Variants in CA10 observed in about 807,000 individuals in gnomAD.
CA10 encodes carbonic anhydrase 10 (inactive).
CA10 carries 14 observed loss-of-function variants against 44.2 expected under a neutral mutation model. That is an observed-to-expected ratio of 0.32 (90% CI 0.21 to 0.50). CA10 has a LOEUF of 0.50. Ranked by LOEUF, CA10 falls within the 20% of genes least tolerant of loss-of-function variation. CA10 has a pLI of 0.99. For synonymous variants in CA10, 159 were observed against 141.6 expected (o/e 1.12, Z -0.87); for missense variants, 350 against 409.7 (o/e 0.85, Z 1.26).
intron 3 of CA10, among the ~76,000 whole-genome samples, chr17:51,910,188 T>C (rs1362124590): frequency 6.6e-6 from 1 of 151,930 alleles, no homozygotes; most frequent in Non-Finnish European, 1.5e-5. Flanking sequence ...AGGGGCATGG[T>C]GAGAGGGCAG....
intron 3 of CA10, among the ~76,000 whole-genome samples, chr17:51,801,121 A>G (rs933970150): frequency 6.6e-6 from 1 of 152,154 alleles, no homozygotes; most frequent in African/African-American, 2.4e-5. Context: ...TCTCTCTCCT[A>G]TGATGGGATG....
chr17:51,631,638 C>T lies in CA10; in HGVS notation c.965-32G>A. Reference sequence around the variant, plus strand: ...AGAGAGAGAAAGAAAAAAAAAATCACACATACAACATAAAACGAGGCATAC... The same window carrying T: ...AGAGAGAGAAAGAAAAAAAAAATCATACATACAACATAAAACGAGGCATAC... On this transcript the variant is annotated intron_variant, in intron 8 of 8. Coordinates refer to ENST00000451037, the MANE Select transcript of CA10 (RefSeq NM_020178.5). The T allele has an allele frequency of 3.8e-6, 6 of 1,587,458 alleles. No homozygotes were observed. In the Middle Eastern group the frequency reaches 5.3e-4, roughly 140 times the overall value.
chr17:51,668,695 G>C (rs575974457), intron 4 of CA10, among the ~76,000 whole-genome samples: 3 of 152,146 alleles, frequency 2.0e-5, no homozygotes, highest in African/African-American at 7.2e-5. Flanking sequence ...CCTTCAGCCC[G>C]CTGCTGCACT....
intron 2 of CA10, among the ~76,000 whole-genome samples, chr17:52,018,708 G>A (rs1022195174): frequency 2.0e-5 from 3 of 152,056 alleles, no homozygotes; most frequent in Admixed American, 2.0e-4. Context: ...GATTTTGGAG[G>A]ACTATTGGGA....
intron 3 of CA10, among the ~76,000 whole-genome samples, chr17:51,841,401 G>C (rs142726730): frequency 2.2e-4 from 34 of 152,322 alleles, no homozygotes; most frequent in South Asian, 4.1e-4. Flanking sequence ...GTGTGCAAAA[G>C]AGTGCATCTT....
chr17:51,788,619 T>A, intron 3 of CA10, among the ~76,000 whole-genome samples: 1 of 152,186 alleles, frequency 6.6e-6, no homozygotes, highest in South Asian at 2.1e-4. Flanking sequence ...TTATTATGTA[T>A]CAGCAAAAAT....
chr17:51,677,692 T>C (rs1292306676), intron 4 of CA10, among the ~76,000 whole-genome samples: 1 of 152,038 alleles, frequency 6.6e-6, no homozygotes, highest in Non-Finnish European at 1.5e-5. Flanking sequence ...CTGTCATAAA[T>C]TCCTAAAGAC....
intron 2 of CA10, among the ~76,000 whole-genome samples, chr17:52,035,319 T>A (rs893048154): frequency 1.3e-5 from 2 of 151,852 alleles, no homozygotes; most frequent in Admixed American, 1.3e-4. Context: ...TGGCCAGAGA[T>A]GGCTAGACTT....
chr17:52,093,306 T>C (rs1988318239), intron 1 of CA10, among the ~76,000 whole-genome samples: 1 of 152,148 alleles, frequency 6.6e-6, no homozygotes, highest in African/African-American at 2.4e-5. Flanking sequence ...TAAGCAAATC[T>C]TTCACTCCAG....
At chr17:51,937,599 T>A (rs1192826573) in intron 2 of CA10, among the ~76,000 whole-genome samples, 1 of 152,134 alleles carries the variant, frequency 6.6e-6, no homozygotes, top group Non-Finnish European at 1.5e-5. Flanking sequence ...TAACCCATAA[T>A]CATTAATTTG....
At chr17:52,071,396 G>A (rs1023631762) in intron 2 of CA10, among the ~76,000 whole-genome samples, 2 of 152,166 alleles carry the variant, frequency 1.3e-5, no homozygotes, top group African/African-American at 4.8e-5. Context: ...GCTCAGAGGG[G>A]TTTTGTGACT....
intron 5 of CA10, among the ~76,000 whole-genome samples, chr17:51,653,151 G>T (rs1167832088): frequency 6.6e-6 from 1 of 152,182 alleles, no homozygotes; most frequent in Non-Finnish European, 1.5e-5. Context: ...GAACGGGAGA[G>T]CGAGAGAGAA....
chr17:51,807,788 A>T (rs1245695919), intron 3 of CA10, among the ~76,000 whole-genome samples: 3 of 152,218 alleles, frequency 2.0e-5, no homozygotes, highest in Non-Finnish European at 2.9e-5. Flanking sequence ...ACATGATTTC[A>T]CTTATGTGAA....
At chr17:51,831,713 A>AGCGGCAGCGGCAGCAGCGGCAGCG (rs1249181154) in intron 3 of CA10, among the ~76,000 whole-genome samples, 3 of 106,006 alleles carry the variant, frequency 2.8e-5, no homozygotes, top group Non-Finnish European at 6.5e-5. Flanking sequence ...CAGCAGCAGC[A>AGCGGCAGCGGCAGCAGCGGCAGCG]GCAGCAGCAG....
Position 51,636,013 on chromosome 17 carries a change from G to T in CA10, c.635-4C>A. 6.4e-7 allele frequency: 1 copy of T among 1,554,128 alleles called. No individual in the cohort carries two copies. The highest frequency in any genetic ancestry group is 1.2e-5 in the South Asian group (1 of 82,270). ...CCCTGTAGTAAATATGCATCATCTA[G>T]AGAAGGAAAGAAGACTTAAAAATTA... is the stretch of plus-strand genomic sequence containing the variant. On this transcript the variant is annotated splice_polypyrimidine_tract_variant and splice_region_variant and intron_variant, in intron 6 of 8. Transcript: ENST00000451037.
chr17:52,050,012 C>G (rs1046716674), intron 2 of CA10, among the ~76,000 whole-genome samples: 3 of 152,054 alleles, frequency 2.0e-5, no homozygotes, highest in African/African-American at 7.2e-5. Context: ...ACCACATAGC[C>G]TAGGTGTACA....
chr17:51,768,845 A>G (rs982202383), intron 3 of CA10, among the ~76,000 whole-genome samples: 1 of 152,162 alleles, frequency 6.6e-6, no homozygotes, highest in Non-Finnish European at 1.5e-5. Context: ...AAGGAAAATC[A>G]AACTTGTCTC....
intron 3 of CA10, among the ~76,000 whole-genome samples, chr17:51,831,041 G>A (rs1400023138): frequency 6.6e-6 from 1 of 152,174 alleles, no homozygotes; most frequent in Non-Finnish European, 1.5e-5. Context: ...CAATGTGAGG[G>A]GGTGGCCATG....
chr17:52,069,893 G>A (rs1368412866), intron 2 of CA10, among the ~76,000 whole-genome samples: 3 of 152,120 alleles, frequency 2.0e-5, no homozygotes, highest in Non-Finnish European at 2.9e-5. Context: ...GTCATATCAA[G>A]TTCTCTCCTA....
Sources: allele counts gnomAD v4.1 joint callset (sites outside exome capture counted in the v4.1 genomes callset), GRCh38; gene constraint gnomAD v4.1.1; transcripts MANE v1.5; gene names NCBI Gene and HGNC (gene_info 2026-07-23, HGNC 2026-07-21).